Variants in ALKBH8 observed in about 807,000 individuals in gnomAD.
The protein encoded by ALKBH8 is tRNA (carboxymethyluridine(34)-5-O)-methyltransferase ALKBH8.
In ALKBH8, 36 loss-of-function variants were observed where a neutral mutation model predicts 59.8. That is an observed-to-expected ratio of 0.60 (90% confidence interval 0.46 to 0.79). ALKBH8 has a LOEUF of 0.79. Among genes scored for constraint, ALKBH8 ranks in the 30% least tolerant of loss-of-function variants. The pLI, the probability that ALKBH8 is intolerant of heterozygous loss-of-function variation, is 0.00. For synonymous variants in ALKBH8, 276 were observed against 273.6 expected, an observed-to-expected ratio of 1.01 and a Z score of -0.09; for missense variants, 768 against 801.0, an observed-to-expected ratio of 0.96 and a Z score of 0.50.
intron 7 of ALKBH8, among the ~76,000 whole-genome samples, chr11:107,536,047 C>T (rs1863801263): frequency 6.6e-6 from 1 of 152,236 alleles, no homozygotes; most frequent in Non-Finnish European, 1.5e-5. Flanking sequence ...CTGCTACCTA[C>T]TATTTTACCA....
intron 10 of ALKBH8, among the ~76,000 whole-genome samples, chr11:107,516,609 T>A (rs1489006411): frequency 1.3e-5 from 2 of 152,146 alleles, no homozygotes; most frequent in Non-Finnish European, 1.5e-5. Flanking sequence ...ACAAATGGGA[T>A]TAGATCAAAC....
intron 7 of ALKBH8, among the ~76,000 whole-genome samples, chr11:107,544,031 C>T (rs914979577): frequency 6.6e-6 from 1 of 152,172 alleles, no homozygotes; most frequent in Non-Finnish European, 1.5e-5. Context: ...TGACTATTCC[C>T]TAATTTAAGT....
At chr11:107,523,750 G>GCA in intron 9 of ALKBH8, among the ~76,000 whole-genome samples, 1 of 151,612 alleles carries the variant, frequency 6.6e-6, no homozygotes, top group Non-Finnish European at 1.5e-5. Flanking sequence ...TTACAGGCGT[G>GCA]TGCCACCATG....
chr11:107,553,931 C>T lies in ALKBH8; in HGVS notation c.415G>A (p.Val139Ile), dbSNP rs770935995. Residue 139 changes from valine to isoleucine, a missense_variant, in exon 4 of 12, where the codon GTA (valine) becomes ATA (isoleucine). By Grantham distance (29) the Val-to-Ile change is conservative (BLOSUM62 3). Transcript: ENST00000428149. ...RPQALPPGLMVVEEIISSEEE... is the reference protein window; with the variant it reads ...RPQALPPGLMIVEEIISSEEE... The stretch of plus-strand genomic sequence containing the variant: ...TCAGAAGAAATTATTTCTTCTACTA[C>T]CATGAGTCCTGGTGGTAAGGCTTGA... 1.2e-6 allele frequency: 2 copies of T among 1,613,750 alleles called. No individual in the cohort carries two copies. The highest frequency in any genetic ancestry group is 1.7e-6 in the Non-Finnish European group (2 of 1,179,860).
intron 8 of ALKBH8, among the ~76,000 whole-genome samples, chr11:107,527,767 G>T (rs992067549): frequency 6.6e-6 from 1 of 151,880 alleles, no homozygotes; most frequent in African/African-American, 2.4e-5. Flanking sequence ...TACAAATAAA[G>T]AATTTTACTC....
intron 7 of ALKBH8, among the ~76,000 whole-genome samples, chr11:107,545,910 T>A (rs1255666842): frequency 6.6e-6 from 1 of 152,190 alleles, no homozygotes; most frequent in African/African-American, 2.4e-5. Flanking sequence ...GAGTCAGGAC[T>A]TTCACAACGA....
At chr11:107,556,433 G>A (rs539843302) in intron 3 of ALKBH8, among the ~76,000 whole-genome samples, 109 of 152,304 alleles carry the variant, frequency 7.2e-4, no homozygotes, top group Middle Eastern at 3.4e-3. Flanking sequence ...GTAGATATGT[G>A]AAATAAACTA....
intron 1 of ALKBH8, among the ~76,000 whole-genome samples, chr11:107,564,690 TGTCAC>T (rs1348638600): frequency 2.0e-5 from 3 of 152,214 alleles, no homozygotes; most frequent in Non-Finnish European, 4.4e-5. Flanking sequence ...CCCCATCACT[TGTCAC>T]GGCACCCCGT....
chr11:107,558,279 G>A (rs749956651), intron 2 of ALKBH8, among the ~76,000 whole-genome samples: 8 of 152,118 alleles, frequency 5.3e-5, no homozygotes, highest in Non-Finnish European at 1.0e-4. Flanking sequence ...AAACTGTTTT[G>A]TCATGGGACA....
intron 3 of ALKBH8, among the ~76,000 whole-genome samples, chr11:107,555,140 G>A (rs1161428745): frequency 1.3e-5 from 2 of 152,104 alleles, no homozygotes; most frequent in African/African-American, 4.8e-5. Context: ...GGCACCTGTA[G>A]TCTCAGCTTC....
Position 107,546,705 on chromosome 11 carries a change from A to C in ALKBH8, c.771+3048T>G, listed in dbSNP as rs538021075. ...TTCTGCTGTTAATTGCAGCTAAATC[A>C]TCCTCACTTATACACATATCATACA... On this transcript the variant is annotated intron_variant, in intron 7 of 11. Transcript: ENST00000428149. Among the ~76,000 whole-genome samples the C allele has an allele frequency of 4.6e-5, 7 of 152,308 alleles. 1 individual carries two copies. The South Asian group carries it at 1.2e-3, about 27-fold the overall frequency.
intron 11 of ALKBH8, among the ~76,000 whole-genome samples, chr11:107,509,001 T>C (rs1862511042): frequency 6.6e-6 from 1 of 152,236 alleles, no homozygotes; most frequent in African/African-American, 2.4e-5. Flanking sequence ...AAGTCTCTGC[T>C]TTCAATTCTT....
At chr11:107,510,808 G>A in intron 11 of ALKBH8, 79 bp downstream of exon 11, 2 of 1,452,636 alleles carry the variant, frequency 1.4e-6, no homozygotes, top group South Asian at 1.4e-5. Flanking sequence ...CTAAAACAGG[G>A]TCCAAAATCA....
intron 7 of ALKBH8, among the ~76,000 whole-genome samples, chr11:107,549,021 T>G (rs1322922307): frequency 6.6e-6 from 1 of 152,086 alleles, no homozygotes; most frequent in Non-Finnish European, 1.5e-5. Flanking sequence ...CGGCTAATTT[T>G]TTTGTATTTT....
chr11:107,522,679 G>A (rs138767142), intron 9 of ALKBH8, 124 bp from the exon 10 acceptor site: 15 of 1,179,024 alleles, frequency 1.3e-5, no homozygotes, highest in East Asian at 5.1e-5. Flanking sequence ...TGATTTATCC[G>A]TTAAAAGAAA....
intron 9 of ALKBH8, among the ~76,000 whole-genome samples, chr11:107,524,645 T>G (rs1260752357): frequency 6.6e-6 from 1 of 152,192 alleles, no homozygotes; most frequent in Non-Finnish European, 1.5e-5. Flanking sequence ...AATAAAAAGC[T>G]CTTTTAAGCT....
chr11:107,532,536 G>T, intron 7 of ALKBH8, 130 bp from the exon 8 acceptor site: 1 of 677,302 alleles, frequency 1.5e-6, no homozygotes, highest in Non-Finnish European at 2.5e-6. Context: ...TTGCAGAAAA[G>T]CATAGCACAG....
chr11:107,541,593 T>A (rs1044483303), intron 7 of ALKBH8, among the ~76,000 whole-genome samples: 1 of 152,178 alleles, frequency 6.6e-6, no homozygotes, highest in Non-Finnish European at 1.5e-5. Context: ...GTCCTTGGAG[T>A]TGATACTACA....
At chr11:107,553,258 G>T in intron 4 of ALKBH8, 55 bp from the exon 5 acceptor site, 1 of 1,179,858 alleles carries the variant, frequency 8.5e-7, no homozygotes, top group Non-Finnish European at 1.2e-6. Flanking sequence ...ACATTCCTTT[G>T]CATATTTCAG....
Sources: allele counts gnomAD v4.1 joint callset (sites outside exome capture counted in the v4.1 genomes callset), GRCh38; gene constraint gnomAD v4.1.1; transcripts MANE v1.5; gene names NCBI Gene and HGNC (gene_info 2026-07-23, HGNC 2026-07-21).